THRAP3: variants seen among roughly 807,000 people sequenced by gnomAD.
THRAP3 encodes thyroid hormone receptor-associated protein 3.
A neutral mutation model predicts 101.0 loss-of-function variants in THRAP3; 16 were observed. The observed-to-expected ratio is 0.16, with a 90% CI of 0.11 to 0.24. The LOEUF is 0.24. Among genes scored for constraint, THRAP3 ranks in the 10% least tolerant of loss-of-function variants. The probability of loss-of-function intolerance (pLI) is 1.00; values close to 1 mark genes in which losing one functional copy is unlikely to be tolerated. For missense variants in THRAP3, 989 were observed against 1,202.7 expected, an observed-to-expected ratio of 0.82 and a Z score of 2.63; for synonymous variants, 407 against 422.6, an observed-to-expected ratio of 0.96 and a Z score of 0.45.
At chr1:36,289,805 C>G (rs1315853963) in intron 5 of THRAP3, 41 bp downstream of exon 5, 2 of 1,548,704 alleles carry the variant, frequency 1.3e-6, no homozygotes, top group African/African-American at 2.8e-5. Context: ...CTTTAGTGGC[C>G]TAAGTGGTGT....
intron 1 of THRAP3, among the ~76,000 whole-genome samples, chr1:36,226,156 ATTTTGT>A (rs776132247): frequency 2.2e-4 from 34 of 152,150 alleles, no homozygotes; most frequent in Non-Finnish European, 3.5e-4. Context: ...AGAGTGATCT[ATTTTGT>A]TCCGAGGAAT....
intron 1 of THRAP3, among the ~76,000 whole-genome samples, chr1:36,254,367 CAAT>C (rs1645346970): frequency 6.6e-6 from 1 of 152,192 alleles, no homozygotes; most frequent in African/African-American, 2.4e-5. Context: ...ATAATAAACA[CAAT>C]GATTTGCTAT....
chr1:36,303,426 G>A (rs1452043155), intron 11 of THRAP3, among the ~76,000 whole-genome samples: 2 of 152,108 alleles, frequency 1.3e-5, no homozygotes, highest in African/African-American at 2.4e-5. Context: ...AGTGGGAGGT[G>A]ATAATGATAG....
intron 2 of THRAP3, among the ~76,000 whole-genome samples, chr1:36,268,873 C>T (rs1172435348): frequency 1.3e-5 from 2 of 151,196 alleles, no homozygotes; most frequent in African/African-American, 4.9e-5. Flanking sequence ...CTACAGGCGC[C>T]CGCCACCACG....
In THRAP3 at chr1:36,245,474, C is replaced by T. The variant is rs574419079; in HGVS notation, c.-134-13908C>T. On this transcript the variant is annotated intron_variant, in intron 1 of 11. Coordinates refer to ENST00000354618, the MANE Select transcript of THRAP3 (RefSeq NM_005119.4). ...GTGAGCCACCACGCCTGGGTCCTTT[C>T]CCCAATCTTACAGGTAAACAAACTC... Among the ~76,000 whole-genome samples, 289 of 152,198 alleles carry T rather than the reference C, an allele frequency of 1.9e-3. 3 individuals are homozygous for T. Among genetic ancestry groups the T allele is most frequent in the South Asian group, 0.017 (84 of 4,816 alleles).
At chr1:36,244,804 G>T (rs1290437849) in intron 1 of THRAP3, among the ~76,000 whole-genome samples, 1 of 150,904 alleles carries the variant, frequency 6.6e-6, no homozygotes, top group Non-Finnish European at 1.5e-5. Context: ...TGCAACCTCC[G>T]ACTCCCTGGT....
In THRAP3 at chr1:36,286,012, G is replaced by C. The variant is rs557849369; in HGVS notation, c.138-356G>C. ...GACCTGGAGCCCTGTTAAAATCCCCGTGCCTGTGAAACTGTAAGCTATTAT... is the reference window on the plus strand; with the variant it reads ...GACCTGGAGCCCTGTTAAAATCCCCCTGCCTGTGAAACTGTAAGCTATTAT... On this transcript the variant is annotated intron_variant, in intron 3 of 11. Transcript: ENST00000354618. The surrounding 1 kb of genome is among the most constrained non-coding windows in gnomAD (Gnocchi z 5.5). Among the ~76,000 whole-genome samples, 6 of 152,236 alleles carry C rather than the reference G, an allele frequency of 3.9e-5. No individual in the cohort carries two copies. Among genetic ancestry groups the C allele is most frequent in the Admixed American group, 6.5e-5 (1 of 15,300 alleles).
upstream of THRAP3, among the ~76,000 whole-genome samples, chr1:36,220,966 A>ATATATATAT (rs1420537162): frequency 2.5e-4 from 33 of 134,130 alleles, no homozygotes; most frequent in African/African-American, 1.0e-3. Context: ...AAAAAAAAAA[A>ATATATATAT]AAAAAAATAT....
At chr1:36,273,666 A>T (rs2124546323) in intron 2 of THRAP3, among the ~76,000 whole-genome samples, 1 of 152,292 alleles carries the variant, frequency 6.6e-6, no homozygotes, top group South Asian at 2.1e-4. Flanking sequence ...GTGTAATCTT[A>T]AATAGAAAAA....
intron 1 of THRAP3, among the ~76,000 whole-genome samples, chr1:36,229,490 G>A (rs959961834): frequency 7.4e-6 from 1 of 134,602 alleles, no homozygotes; most frequent in Non-Finnish European, 1.6e-5. Flanking sequence ...GTTTCTTTTT[G>A]TCTAGAAGAT....
chr1:36,285,200 T>C lies in THRAP3; in HGVS notation c.138-1168T>C, dbSNP rs78006943. The stretch of plus-strand genomic sequence containing the variant: ...AAAAATGCATCTGTTCCCAGTCAGA[T>C]ATGAGAAAGCCTGCTGATTAACTGA... On this transcript the variant is annotated intron_variant, in intron 3 of 11. Transcript: ENST00000354618. Among the ~76,000 whole-genome samples, 845 of 152,368 alleles carry C rather than the reference T, an allele frequency of 5.5e-3. 2 individuals are homozygous for C. Among genetic ancestry groups the C allele is most frequent in the Middle Eastern group, 0.02 (6 of 294 alleles).
the THRAP3 span, among the ~76,000 whole-genome samples, chr1:36,208,966 CTTTT>C: frequency 1.6e-3 from 81 of 51,930 alleles, 6 homozygotes; most frequent in South Asian, 6.8e-3. Flanking sequence ...CATGTCCAGC[CTTTT>C]TTTTTTTTTT....
Position 36,289,254 on chromosome 1 carries a change from A to G in THRAP3, c.1235A>G (p.Tyr412Cys), listed in dbSNP as rs1465934703. 3 of 1,614,044 alleles carry G rather than the reference A, an allele frequency of 1.9e-6. No homozygotes were observed. Among genetic ancestry groups the G allele is most frequent in the African/African-American group, 2.7e-5 (2 of 74,934 alleles). Residue 412 changes from tyrosine to cysteine, a missense_variant, in exon 5 of 12, where the codon TAT (tyrosine) becomes TGT (cysteine). Tyr to Cys is a radical substitution (Grantham distance 194). Transcript: ENST00000354618. ...CGGGGCAGTCAGTCTCCCAAAAGGT[A>G]TAAGCTCCGAGATGACTTTGAGAAG... is the stretch of plus-strand genomic sequence containing the variant. ...PFRGSQSPKRYKLRDDFEKKM... is the reference protein window; with the variant it reads ...PFRGSQSPKRCKLRDDFEKKM...
chr1:36,224,958 C>T (rs1306410637), intron 1 of THRAP3: 2 of 152,302 alleles, frequency 1.3e-5, no homozygotes, highest in African/African-American at 4.8e-5. Flanking sequence ...AGTACCGCTT[C>T]CGTTCTTTCC....
In THRAP3 at chr1:36,238,714, C is replaced by T. The variant is rs373664310; in HGVS notation, c.-135+14209C>T. Among the ~76,000 whole-genome samples the T allele has an allele frequency of 1.1e-4, 17 of 152,048 alleles. 2 individuals carry two copies. Among genetic ancestry groups the T allele is most frequent in the African/African-American group, 3.6e-4 (15 of 41,486 alleles). On this transcript the variant is annotated intron_variant, in intron 1 of 11. Transcript: ENST00000354618. ...AGCTTTTCGGGCTTTTGTTTTGTTT[C>T]GTTTTTTTGGAGACAAGGTCTTATT...
chr1:36,247,870 CTTTT>C (rs550667195), intron 1 of THRAP3, among the ~76,000 whole-genome samples: 2 of 128,526 alleles, frequency 1.6e-5, no homozygotes, highest in Non-Finnish European at 1.7e-5. Context: ...CCATCTTCAT[CTTTT>C]TTTTTTTTTT....
At chr1:36,260,214 C>G (rs574663038) in intron 2 of THRAP3, among the ~76,000 whole-genome samples, 15 of 152,294 alleles carry the variant, frequency 9.8e-5, no homozygotes, top group African/African-American at 3.1e-4. Context: ...TGCCCTCCAG[C>G]CTGGGCAACA....
chr1:36,236,559 G>A lies in THRAP3; in HGVS notation c.-135+12054G>A, dbSNP rs966927827. On this transcript the variant is annotated intron_variant, in intron 1 of 11. Transcript: ENST00000354618. ...GATCCTCCCACTTCCCCCTCCCAAA[G>A]TGCTGGGATTACAGGCTTAAGCTAC... Among the ~76,000 whole-genome samples the A allele has an allele frequency of 6.0e-5, 9 of 150,726 alleles. No homozygotes were observed. In the South Asian group the frequency reaches 1.9e-3, roughly 32 times the overall value.
chr1:36,258,654 T>A (rs923132645), intron 1 of THRAP3, among the ~76,000 whole-genome samples: 1 of 152,206 alleles, frequency 6.6e-6, no homozygotes, highest in African/African-American at 2.4e-5. Context: ...TTTGTTTTTG[T>A]ATTTTTACTA....
Sources: allele counts gnomAD v4.1 joint callset (sites outside exome capture counted in the v4.1 genomes callset), GRCh38; gene constraint gnomAD v4.1.1; non-coding constraint Gnocchi (gnomAD v3.1); transcripts MANE v1.5; gene names NCBI Gene and HGNC (gene_info 2026-07-23, HGNC 2026-07-21).